Variants in NINL observed in about 807,000 individuals in gnomAD.
NINL encodes ninein-like protein.
NINL carries 153 observed loss-of-function variants against 160.3 expected under a neutral mutation model. The ratio of observed to expected loss-of-function variants is 0.95; its 90% CI spans 0.84 to 1.09. The LOEUF (loss-of-function observed/expected upper bound fraction) is 1.09. Among genes scored for constraint, NINL ranks in the 50% least tolerant of loss-of-function variants. NINL has a pLI of 0.00. For synonymous variants in NINL, 800 were observed against 734.8 expected, an observed-to-expected ratio of 1.09 and a Z score of -1.43; for missense variants, 1,829 against 1,764.0, an observed-to-expected ratio of 1.04 and a Z score of -0.66.
intron 1 of NINL, among the ~76,000 whole-genome samples, chr20:25,554,077 G>C (rs2064835427): frequency 6.6e-6 from 1 of 152,240 alleles, no homozygotes; most frequent in South Asian, 2.1e-4. Flanking sequence ...GTAGGTGTGG[G>C]GGAAGTGAGA....
intron 1 of NINL, 44 bp downstream of exon 1, chr20:25,585,411 C>A (rs1461344898): frequency 6.6e-6 from 1 of 152,150 alleles, no homozygotes; most frequent in Non-Finnish European, 1.5e-5. Flanking sequence ...CTCTCGACCC[C>A]ACCAGCCGCC....
intron 1 of NINL, among the ~76,000 whole-genome samples, chr20:25,574,464 C>T (rs753181778): frequency 3.3e-5 from 5 of 152,022 alleles, no homozygotes; most frequent in Non-Finnish European, 7.4e-5. Context: ...TACACAGTGA[C>T]ACATGGCTAT....
chr20:25,569,934 C>G (rs1295288108), intron 1 of NINL, among the ~76,000 whole-genome samples: 1 of 152,008 alleles, frequency 6.6e-6, no homozygotes, highest in Non-Finnish European at 1.5e-5. Context: ...CTTGTAATCC[C>G]AGCACTTTGG....
chr20:25,577,674 G>C (rs1378288734), intron 1 of NINL, among the ~76,000 whole-genome samples: 3 of 152,140 alleles, frequency 2.0e-5, no homozygotes, highest in Non-Finnish European at 1.5e-5. Flanking sequence ...TGACTCTAAG[G>C]GGAACCTGGA....
intron 1 of NINL, among the ~76,000 whole-genome samples, chr20:25,541,411 C>T (rs2064659941): frequency 6.6e-6 from 1 of 152,228 alleles, no homozygotes; most frequent in Admixed American, 6.5e-5. Flanking sequence ...GTACACATCT[C>T]TAACCATCTA....
rs1293984712 is a variant in NINL, at chr20:25,496,541, A to AG, written c.1310+121dup. 5 of 1,174,382 alleles carry AG rather than the reference A, an allele frequency of 4.3e-6. No individual in the cohort carries two copies. In the African/African-American group the frequency reaches 4.6e-5, roughly 11 times the overall value. The allele number at this position is 1,174,382 out of a possible 1,614,324, so 72.7% of individuals were successfully genotyped here. On this transcript the variant is annotated intron_variant, in intron 10 of 23. Coordinates refer to ENST00000278886, the MANE Select transcript of NINL (RefSeq NM_025176.6). ...GGATTCCCCCTGACTCAGGTGAAAT[A>AG]GGGGGGTCTCCACTGAGCCACACCC...
chr20:25,512,847 A>G lies in NINL; in HGVS notation c.437T>C (p.Leu146Pro). The change falls in exon 4 of 24, where the codon CTG becomes CCG. Residue 146 changes from leucine (L) to proline (P), a missense_variant. Physicochemically the swap from Leu to Pro is moderately conservative, Grantham distance 98. Transcript: ENST00000278886. ...LKSHLWRSAS[L>P]ESVESPKSDE... ...GGCCTGACCCACCTCCACGCTCTCC[A>G]GAGACGCTGAGCGCCAGAGGTGACT... 6.2e-7 allele frequency: 1 copy of G among 1,613,322 alleles called. No individual in the cohort carries two copies. The highest frequency in any genetic ancestry group is 1.1e-5 in the South Asian group (1 of 90,996).
chr20:25,474,891 G>A (rs984899572), intron 17 of NINL, among the ~76,000 whole-genome samples: 5 of 151,480 alleles, frequency 3.3e-5, no homozygotes, highest in African/African-American at 4.8e-5. Context: ...GGGTTCAAGC[G>A]ATTCTCCTGC....
In NINL at chr20:25,476,573, C is replaced by T; in HGVS notation, c.2718G>A (p.Trp906Ter). 6.3e-7 allele frequency: 1 copy of T among 1,599,476 alleles called. No homozygotes were observed. Among genetic ancestry groups the T allele is most frequent in the Non-Finnish European group, 8.5e-7 (1 of 1,179,734 alleles). Residue 906 changes from tryptophan to a stop codon, truncating the protein, a stop_gained, in exon 17 of 24, where the codon TGG becomes TGA. Transcript: ENST00000278886. LOFTEE classifies it high-confidence loss of function. ...CCACTCCACAGGGCTGCATGCGTGACCACCTCTCTGAGGGGCCGTGGGATG... is the reference window on the plus strand; with the variant it reads ...CCACTCCACAGGGCTGCATGCGTGATCACCTCTCTGAGGGGCCGTGGGATG... ...APASHGPSER[W>*]SRMQPCGVDG...
In NINL at chr20:25,488,884, G is replaced by A. The variant is rs139184748; in HGVS notation, c.1677+360C>T. 8.0e-4 allele frequency: 182 copies of A among 227,636 alleles called. 2 individuals carry two copies. The highest frequency in any genetic ancestry group is 5.6e-3 in the Admixed American group (114 of 20,478). 14.1% of individuals were successfully genotyped at this position (227,636 alleles called of 1,614,324 possible). ...TTTGGGGTCCTTGAGAACATTAAGC[G>A]TGTACGGGGGTCCTCCTGGGTTTAA... On this transcript the variant is annotated intron_variant, in intron 13 of 23. Transcript: ENST00000278886.
intron 1 of NINL, among the ~76,000 whole-genome samples, chr20:25,581,986 G>A (rs1308116666): frequency 2.6e-5 from 4 of 152,230 alleles, no homozygotes; most frequent in African/African-American, 9.6e-5. Context: ...GGCCAGGCGT[G>A]GTGGCTCACG....
At chr20:25,480,387 A>AGGATGACGCTGC in intron 14 of NINL, 120 bp from the exon 15 acceptor site, 1 of 712,058 alleles carries the variant, frequency 1.4e-6, no homozygotes, top group South Asian at 1.6e-5. Flanking sequence ...GCTGGCTGTG[A>AGGATGACGCTGC]GGATGACGCT....
At chr20:25,533,982 T>C (rs1386399764) in intron 1 of NINL, among the ~76,000 whole-genome samples, 2 of 152,118 alleles carry the variant, frequency 1.3e-5, no homozygotes, top group African/African-American at 2.4e-5. Context: ...GGGGACTACA[T>C]CAAACTTGAA....
chr20:25,492,372 T>C (rs373393192), intron 10 of NINL, among the ~76,000 whole-genome samples: 1 of 151,704 alleles, frequency 6.6e-6, no homozygotes, highest in East Asian at 1.9e-4. Context: ...AATAGGGAAA[T>C]GGTTAAATAA....
chr20:25,552,684 C>T (rs888249727), intron 1 of NINL, among the ~76,000 whole-genome samples: 3 of 152,192 alleles, frequency 2.0e-5, no homozygotes, highest in African/African-American at 4.8e-5. Context: ...GACACACCCC[C>T]CTGCAAGGCT....
chr20:25,564,867 A>G (rs1260549834), intron 1 of NINL, among the ~76,000 whole-genome samples: 2 of 152,192 alleles, frequency 1.3e-5, no homozygotes, highest in Non-Finnish European at 2.9e-5. Context: ...CGAGGTCACA[A>G]GACAAACTCC....
At chr20:25,483,916 T>A (rs1006648826) in intron 13 of NINL, among the ~76,000 whole-genome samples, 5 of 152,198 alleles carry the variant, frequency 3.3e-5, no homozygotes, top group Non-Finnish European at 7.3e-5. Flanking sequence ...TGAGTGGGAC[T>A]TGTGACTGCT....
intron 1 of NINL, among the ~76,000 whole-genome samples, chr20:25,549,687 A>G (rs1286190170): frequency 6.6e-6 from 1 of 152,180 alleles, no homozygotes. Context: ...AGCACAATGC[A>G]CTCAGCTGAG....
Position 25,453,200 on chromosome 20 carries a change from G to T in NINL, c.*251C>A. On this transcript the variant is annotated 3_prime_UTR_variant, in exon 24 of 24. Coordinates refer to ENST00000278886, the MANE Select transcript of NINL (RefSeq NM_025176.6). ...CTGGCTCCAGAGAGTGGCAAAACTGGGAATTTTGCCAAGGGAAATTACTCA... is the reference window on the plus strand; with the variant it reads ...CTGGCTCCAGAGAGTGGCAAAACTGTGAATTTTGCCAAGGGAAATTACTCA... 2.8e-6 allele frequency: 1 copy of T among 356,176 alleles called. No homozygotes were observed. The highest frequency in any genetic ancestry group is 5.0e-6 in the Non-Finnish European group (1 of 199,172). 22.1% of individuals were successfully genotyped at this position (356,176 alleles called of 1,614,324 possible). A position where few individuals can be genotyped will look rare whatever the true frequency, so the allele number is the denominator to read the frequency against.
Sources: allele counts gnomAD v4.1 joint callset (sites outside exome capture counted in the v4.1 genomes callset), GRCh38; gene constraint gnomAD v4.1.1; transcripts MANE v1.5; gene names NCBI Gene and HGNC (gene_info 2026-07-23, HGNC 2026-07-21).